CR1: variants seen among roughly 807,000 people sequenced by gnomAD.
The protein encoded by CR1 is complement C3b/C4b receptor 1 (Knops blood group), also known as complement receptor type 1.
In CR1, 116 loss-of-function variants were observed where a neutral mutation model predicts 187.3. The ratio of observed to expected loss-of-function variants is 0.62; its 90% CI spans 0.53 to 0.72. The LOEUF (loss-of-function observed/expected upper bound fraction) is 0.72. Ranked by LOEUF, CR1 falls within the 30% of genes least tolerant of loss-of-function variation. CR1 has a pLI of 0.00. For synonymous variants in CR1, 576 were observed against 747.1 expected, an observed-to-expected ratio of 0.77 and a Z score of 3.73; for missense variants, 1,731 against 2,110.7, an observed-to-expected ratio of 0.82 and a Z score of 3.52.
Position 207,640,886 on chromosome 1 carries a change from T to C in CR1, c.*1477T>C, listed in dbSNP as rs1662964672. The C allele has an allele frequency of 1.3e-5, 2 of 152,182 alleles. No homozygotes were observed. Among genetic ancestry groups the C allele is most frequent in the Admixed American group, 1.3e-4 (2 of 15,262 alleles). The allele number at this position is 152,182 out of a possible 1,614,324, so 9.4% of individuals were successfully genotyped here. A position where few individuals can be genotyped will look rare whatever the true frequency, so the allele number is the denominator to read the frequency against. On this transcript the variant is annotated 3_prime_UTR_variant, in exon 47 of 47. Transcript: ENST00000367049. ...GAGTGAGATAGACATGAACCTGAATTTCAATTTAAAATCATGGAAGAGAGG... is the reference window on the plus strand; with the variant it reads ...GAGTGAGATAGACATGAACCTGAATCTCAATTTAAAATCATGGAAGAGAGG...
At chr1:207,568,258 G>C (rs1184545511) in intron 25 of CR1, among the ~76,000 whole-genome samples, 4 of 142,274 alleles carry the variant, frequency 2.8e-5, no homozygotes, top group Non-Finnish European at 6.0e-5. Flanking sequence ...GAGGCGGTGA[G>C]TGGTGGGAAA....
chr1:207,576,724 G>A (rs1660757689), intron 28 of CR1, among the ~76,000 whole-genome samples: 1 of 152,096 alleles, frequency 6.6e-6, no homozygotes, highest in Non-Finnish European at 1.5e-5. Flanking sequence ...AGACTGAGAG[G>A]TGGGAGGATT....
intron 4 of CR1, among the ~76,000 whole-genome samples, chr1:207,521,999 A>G (rs1253988181): frequency 3.3e-5 from 5 of 151,888 alleles, no homozygotes; most frequent in Non-Finnish European, 5.9e-5. Flanking sequence ...TAGTTCTTAC[A>G]AGTTTCAATT....
At chr1:207,499,965 C>A (rs1433399102) in intron 1 of CR1, among the ~76,000 whole-genome samples, 1 of 152,170 alleles carries the variant, frequency 6.6e-6, no homozygotes, top group African/African-American at 2.4e-5. Flanking sequence ...GTAGAGTTGA[C>A]AATCCCTCTC....
At chr1:207,587,699 A>AAG in intron 34 of CR1, 134 bp downstream of exon 34, 7 of 747,760 alleles carry the variant, frequency 9.4e-6, no homozygotes, top group Non-Finnish European at 1.2e-5. Flanking sequence ...AGGAGTTCGC[A>AAG]ACCAGCCTGG....
Position 207,503,048 on chromosome 1 carries a change from C to A in CR1, c.122-2856C>A, listed in dbSNP as rs143495800. On this transcript the variant is annotated intron_variant, in intron 1 of 46. Coordinates refer to ENST00000367049, the MANE Select transcript of CR1 (RefSeq NM_000651.6). Reference sequence around the variant, plus strand: ...AGCAAAGCAAGCACTCCCACTTTAGCGGAATAATCGAATTTAACTCTTAGA... The same window carrying A: ...AGCAAAGCAAGCACTCCCACTTTAGAGGAATAATCGAATTTAACTCTTAGA... Among the ~76,000 whole-genome samples, 9 of 152,272 alleles carry A rather than the reference C, an allele frequency of 5.9e-5. No individual in the cohort carries two copies. The South Asian group carries it at 8.3e-4, about 14-fold the overall frequency.
intron 45 of CR1, among the ~76,000 whole-genome samples, chr1:207,625,756 C>CTGA (rs1429179445): frequency 4.6e-5 from 7 of 152,112 alleles, no homozygotes; most frequent in Non-Finnish European, 8.8e-5. Flanking sequence ...GTGTCCACCT[C>CTGA]TGGTTGGGGG....
At chr1:207,617,540 T>TG (rs1218160300) in intron 41 of CR1, among the ~76,000 whole-genome samples, 5 of 101,608 alleles carry the variant, frequency 4.9e-5, no homozygotes, top group African/African-American at 2.1e-4. Flanking sequence ...TGTGTGTGTA[T>TG]GTGTGTATAT....
At chr1:207,604,514 A>G (rs1046272422) in intron 35 of CR1, among the ~76,000 whole-genome samples, 1 of 152,226 alleles carries the variant, frequency 6.6e-6, no homozygotes, top group South Asian at 2.1e-4. Context: ...TGAGGCAGAG[A>G]TCTAGCTTAG....
intron 39 of CR1, among the ~76,000 whole-genome samples, 177 bp from the exon 40 acceptor site, chr1:207,614,227 A>G (rs1662027088): frequency 6.6e-6 from 1 of 152,196 alleles, no homozygotes; most frequent in East Asian, 1.9e-4. Context: ...AGTTTCTGTC[A>G]GCTACTGAAG....
intron 4 of CR1, among the ~76,000 whole-genome samples, chr1:207,522,086 A>G (rs1345111562): frequency 6.6e-6 from 1 of 152,120 alleles, no homozygotes; most frequent in Non-Finnish European, 1.5e-5. Flanking sequence ...TTATCTCTCC[A>G]AATATCTGGT....
intron 4 of CR1, among the ~76,000 whole-genome samples, chr1:207,518,988 T>C (rs1659887533): frequency 6.6e-6 from 1 of 152,240 alleles, no homozygotes; most frequent in Non-Finnish European, 1.5e-5. Flanking sequence ...TTACTTTATG[T>C]ATTTTAAACA....
chr1:207,604,319 T>G (rs1661687159), intron 35 of CR1, among the ~76,000 whole-genome samples: 1 of 152,216 alleles, frequency 6.6e-6, no homozygotes, highest in Non-Finnish European at 1.5e-5. Flanking sequence ...CAAATTTGTA[T>G]GTAGAAAGGT....
chr1:207,587,546 T>C lies in CR1; in HGVS notation c.5691T>C (p.Ser1897=), dbSNP rs1015244661. ...ISCLENLVWS[S]VEDNCRRKSC... ...GCCTAGAAAACTTGGTCTGGTCAAG[T>C]GTTGAAGACAACTGTAGACGTGAGT... The change falls in exon 34 of 47, where the codon AGT becomes AGC. Residue 1897 remains serine, a synonymous_variant. Transcript: ENST00000367049. 18 of 1,613,742 alleles carry C rather than the reference T, an allele frequency of 1.1e-5. No homozygotes were observed. In the African/African-American group the frequency reaches 1.3e-4, roughly 12 times the overall value.
At chr1:207,586,704 A>G (rs1661121178) in intron 33 of CR1, among the ~76,000 whole-genome samples, 1 of 152,114 alleles carries the variant, frequency 6.6e-6, no homozygotes, top group Non-Finnish European at 1.5e-5. Context: ...TGGATGCATC[A>G]TTCAAATCCC....
Position 207,575,813 on chromosome 1 carries a change from T to A in CR1, c.4537+133T>A. On this transcript the variant is annotated intron_variant, in intron 28 of 46. Coordinates refer to ENST00000367049, the MANE Select transcript of CR1 (RefSeq NM_000651.6). ...ATATTTGAAGAATCTAGTCATATCC[T>A]TAAAATGGCTCACAGCATTCCAAAC... 3 of 1,417,086 alleles carry A rather than the reference T, an allele frequency of 2.1e-6. No individual in the cohort carries two copies. In the South Asian group the frequency reaches 3.6e-5, roughly 17 times the overall value. 87.8% of individuals were successfully genotyped at this position (1,417,086 alleles called of 1,614,324 possible). A position where few individuals can be genotyped will look rare whatever the true frequency, so the allele number is the denominator to read the frequency against.
chr1:207,505,654 G>A (rs980900255), intron 1 of CR1, among the ~76,000 whole-genome samples: 3 of 151,930 alleles, frequency 2.0e-5, no homozygotes, highest in Non-Finnish European at 2.9e-5. Context: ...GGCCAACATG[G>A]TAAAACCCCA....
At chr1:207,498,473 T>C (rs935250598) in intron 1 of CR1, among the ~76,000 whole-genome samples, 6 of 152,146 alleles carry the variant, frequency 3.9e-5, no homozygotes, top group Admixed American at 1.3e-4. Context: ...TTAGATTAGC[T>C]GCAAATAGAT....
intron 27 of CR1, among the ~76,000 whole-genome samples, chr1:207,575,239 A>C (rs1241356607): frequency 2.6e-5 from 4 of 151,940 alleles, no homozygotes; most frequent in African/African-American, 9.7e-5. Flanking sequence ...ACACAAATTA[A>C]GTGAAAATGC....
Sources: gnomAD v4.1 joint callset for allele counts (sites outside exome capture counted in the v4.1 genomes callset) on GRCh38, gnomAD v4.1.1 for gene constraint, MANE v1.5 for transcripts, NCBI Gene and HGNC (gene_info 2026-07-23, HGNC 2026-07-21) for gene names.